ZNF804A: variants seen among roughly 807,000 people sequenced by gnomAD.
ZNF804A encodes zinc finger protein 804A.
Under a neutral mutation model 16.5 loss-of-function variants are expected in ZNF804A, and 2 were observed. That is an observed-to-expected ratio of 0.12 (90% CI 0.05 to 0.38). ZNF804A has a LOEUF of 0.38. Among genes scored for constraint, ZNF804A ranks in the 10% least tolerant of loss-of-function variants. The pLI, the probability that ZNF804A is intolerant of heterozygous loss-of-function variation, is 0.99. For missense variants in ZNF804A, 1,473 were observed against 1,390.7 expected, an observed-to-expected ratio of 1.06 and a Z score of -0.94; for synonymous variants, 534 against 489.6, an observed-to-expected ratio of 1.09 and a Z score of -1.20.
Position 184,937,400 on chromosome 2 carries a change from T to C in ZNF804A, c.2004T>C (p.Ser668=). 6.2e-7 allele frequency: 1 copy of C among 1,613,112 alleles called. No homozygotes were observed. Among genetic ancestry groups the C allele is most frequent in the South Asian group, 1.1e-5 (1 of 91,000 alleles). Residue 668 remains serine (S), a synonymous_variant, in exon 4 of 4, where the codon AGT becomes AGC. Coordinates refer to ENST00000302277, the MANE Select transcript of ZNF804A (RefSeq NM_194250.2). ...CCAAATCAGAATCCATATCCTTAAG[T>C]GACAATGAAGAAATGTGTAAAACAT... ...KRPKSESISL[S]DNEEMCKTWN... is the part of the protein sequence containing the mutation.
rs986554630 is a variant in ZNF804A at position 184,886,987 on chromosome 2, C to A, written c.255+20475C>A. Reference sequence around the variant, plus strand: ...TTCTGCAGAAAGCTTGAATTTCTCCCCAGAAAACGAGATTTTCCTTCCTAT... The same window carrying A: ...TTCTGCAGAAAGCTTGAATTTCTCCACAGAAAACGAGATTTTCCTTCCTAT... On this transcript the variant is annotated intron_variant, in intron 2 of 3. Coordinates refer to ENST00000302277, the MANE Select transcript of ZNF804A (RefSeq NM_194250.2). Among the ~76,000 whole-genome samples, 6 of 152,196 alleles carry A rather than the reference C, an allele frequency of 3.9e-5. No individual in the cohort carries two copies. The South Asian group carries it at 8.3e-4, about 21-fold the overall frequency.
intron 1 of ZNF804A, among the ~76,000 whole-genome samples, chr2:184,612,811 T>G (rs868416240): frequency 6.6e-6 from 1 of 152,360 alleles, no homozygotes; most frequent in Middle Eastern, 3.4e-3. Context: ...GAATTTCAGA[T>G]GGAGTTTATT....
intron 1 of ZNF804A, among the ~76,000 whole-genome samples, chr2:184,616,508 C>T (rs911730501): frequency 1.3e-5 from 2 of 152,138 alleles, no homozygotes; most frequent in Non-Finnish European, 2.9e-5. Flanking sequence ...ATTATTTTTA[C>T]GATTATTTCC....
intron 1 of ZNF804A, among the ~76,000 whole-genome samples, chr2:184,815,412 G>A (rs555696385): frequency 9.1e-4 from 138 of 151,198 alleles, no homozygotes; most frequent in African/African-American, 3.2e-3. Flanking sequence ...TTATATGAGG[G>A]TATTGTGCTA....
At chr2:184,655,826 A>T (rs560270381) in intron 1 of ZNF804A, among the ~76,000 whole-genome samples, 70 of 152,262 alleles carry the variant, frequency 4.6e-4, no homozygotes. Flanking sequence ...AAAGAAAGAA[A>T]ATAGAAAACA....
At chr2:184,850,910 A>G (rs893223005) in intron 1 of ZNF804A, among the ~76,000 whole-genome samples, 4 of 151,842 alleles carry the variant, frequency 2.6e-5, no homozygotes, top group African/African-American at 4.8e-5. Flanking sequence ...GGTAATTTGT[A>G]CATTAGCTTG....
intron 1 of ZNF804A, among the ~76,000 whole-genome samples, chr2:184,615,104 C>T (rs192709536): frequency 6.6e-6 from 1 of 152,294 alleles, no homozygotes; most frequent in East Asian, 1.9e-4. Flanking sequence ...TATTGCAGCA[C>T]TATTCACAAT....
chr2:184,652,338 T>C (rs1691999837), intron 1 of ZNF804A, among the ~76,000 whole-genome samples: 1 of 152,154 alleles, frequency 6.6e-6, no homozygotes, highest in African/African-American at 2.4e-5. Flanking sequence ...TTGGGTACTA[T>C]GTTCAGTACC....
At chr2:184,751,125 T>C (rs1469262306) in intron 1 of ZNF804A, among the ~76,000 whole-genome samples, 1 of 151,520 alleles carries the variant, frequency 6.6e-6, no homozygotes, top group Admixed American at 6.6e-5. Flanking sequence ...TGAATAATGC[T>C]ACAATCAACA....
chr2:184,866,328 GGA>G, intron 1 of ZNF804A, 39 bp from the exon 2 acceptor site: 1 of 1,602,300 alleles, frequency 6.2e-7, no homozygotes, highest in Non-Finnish European at 8.5e-7. Context: ...TAAACACAGG[GGA>G]GAGCTAATTG....
At chr2:184,863,626 A>G (rs946583278) in intron 1 of ZNF804A, among the ~76,000 whole-genome samples, 1 of 152,014 alleles carries the variant, frequency 6.6e-6, no homozygotes, top group African/African-American at 2.4e-5. Context: ...GCTTTATTGT[A>G]ATTATAATGA....
At chr2:184,932,600 G>A (rs1338451375) in intron 2 of ZNF804A, among the ~76,000 whole-genome samples, 1 of 152,082 alleles carries the variant, frequency 6.6e-6, no homozygotes, top group Non-Finnish European at 1.5e-5. Flanking sequence ...GATGAGATTT[G>A]GGTGGGGACA....
chr2:184,876,229 T>C (rs1306814663), intron 2 of ZNF804A, among the ~76,000 whole-genome samples: 2 of 152,186 alleles, frequency 1.3e-5, no homozygotes, highest in Non-Finnish European at 2.9e-5. Context: ...TAATTTAAAC[T>C]GCTGTTTAGT....
intron 1 of ZNF804A, among the ~76,000 whole-genome samples, chr2:184,754,955 C>T (rs1693936485): frequency 6.6e-6 from 1 of 151,796 alleles, no homozygotes; most frequent in South Asian, 2.1e-4. Flanking sequence ...AGAAGTCATT[C>T]ACCATCTGAA....
intron 2 of ZNF804A, among the ~76,000 whole-genome samples, chr2:184,903,876 A>C (rs1356727075): frequency 6.6e-6 from 1 of 152,070 alleles, no homozygotes; most frequent in African/African-American, 2.4e-5. Context: ...ACTTTTGTGC[A>C]TGTGACCACT....
intron 1 of ZNF804A, among the ~76,000 whole-genome samples, chr2:184,722,240 A>G (rs887255559): frequency 4.6e-5 from 7 of 152,066 alleles, no homozygotes; most frequent in African/African-American, 1.7e-4. Context: ...GCAGCAAATA[A>G]TTTAAGAGTT....
At chr2:184,762,466 A>T (rs915386945) in intron 1 of ZNF804A, among the ~76,000 whole-genome samples, 1 of 151,922 alleles carries the variant, frequency 6.6e-6, no homozygotes, top group African/African-American at 2.4e-5. Context: ...TTGAAACTAA[A>T]ATCTAAAGTT....
intron 1 of ZNF804A, among the ~76,000 whole-genome samples, chr2:184,654,935 A>T (rs751950268): frequency 2.6e-5 from 4 of 152,182 alleles, no homozygotes; most frequent in Non-Finnish European, 4.4e-5. Context: ...TATTTCATTT[A>T]TTTACATACA....
At chr2:184,785,341 T>A (rs1489862994) in intron 1 of ZNF804A, among the ~76,000 whole-genome samples, 1 of 152,082 alleles carries the variant, frequency 6.6e-6, no homozygotes, top group Non-Finnish European at 1.5e-5. Context: ...TGATTAAGTG[T>A]GCTTAAGTGC....
Sources: gnomAD v4.1 joint callset for allele counts (sites outside exome capture counted in the v4.1 genomes callset) on GRCh38, gnomAD v4.1.1 for gene constraint, MANE v1.5 for transcripts, NCBI Gene and HGNC (gene_info 2026-07-23, HGNC 2026-07-21) for gene names.